Variants in FHIT observed in about 807,000 individuals in gnomAD.
FHIT encodes the protein bis(5'-adenosyl)-triphosphatase.
FHIT carries 19 observed loss-of-function variants against 17.9 expected under a neutral mutation model. The ratio of observed to expected loss-of-function variants is 1.06; its 90% CI spans 0.74 to 1.56. FHIT has a LOEUF of 1.56. Ranked by LOEUF, FHIT falls within the 40% of genes most tolerant of loss-of-function variation. The pLI, the probability that FHIT is intolerant of heterozygous loss-of-function variation, is 0.00. For synonymous variants in FHIT, 81 were observed against 69.7 expected (o/e 1.16, Z -0.81); for missense variants, 248 against 189.2 (o/e 1.31, Z -1.82).
intron 8 of FHIT, among the ~76,000 whole-genome samples, chr3:59,891,135 C>G (rs1703836659): frequency 6.6e-6 from 1 of 152,212 alleles, no homozygotes; most frequent in Non-Finnish European, 1.5e-5. Context: ...TACACACTTT[C>G]CTAAGACCTG....
intron 5 of FHIT, among the ~76,000 whole-genome samples, chr3:60,280,938 C>G (rs1707398938): frequency 4.3e-5 from 1 of 23,026 alleles, no homozygotes; most frequent in South Asian, 2.0e-3. Flanking sequence ...TAGAAAAATC[C>G]TAAAAAATTG....
intron 1 of FHIT, among the ~76,000 whole-genome samples, chr3:61,232,482 C>T (rs1005798617): frequency 6.6e-6 from 1 of 152,176 alleles, no homozygotes; most frequent in Non-Finnish European, 1.5e-5. Context: ...CATAATTTCC[C>T]ATATATGCCC....
At chr3:59,754,617 C>G (rs1052172209) in intron 8 of FHIT, among the ~76,000 whole-genome samples, 1 of 152,158 alleles carries the variant, frequency 6.6e-6, no homozygotes, top group Non-Finnish European at 1.5e-5. Flanking sequence ...TAAGTGGCCT[C>G]AACAACACAG....
chr3:60,297,271 G>T (rs1708254641), intron 5 of FHIT, among the ~76,000 whole-genome samples: 1 of 152,168 alleles, frequency 6.6e-6, no homozygotes, highest in Admixed American at 6.6e-5. Flanking sequence ...TCTAACCTGT[G>T]AGAATATGTC....
chr3:60,615,898 G>A lies in FHIT; in HGVS notation c.-17-78919C>T, dbSNP rs1006076870. 2.0e-5 allele frequency among the ~76,000 whole-genome samples: 3 copies of A among 152,188 alleles called. No homozygotes were observed. The East Asian group carries it at 5.8e-4, about 29-fold the overall frequency. On this transcript the variant is annotated intron_variant, in intron 4 of 9. Coordinates refer to ENST00000492590, the MANE Select transcript of FHIT (RefSeq NM_002012.4). ...CGAGTGAAGTTTACCAATAAGAATA[G>A]AGTGAGATGTGGAAGAAAAAGAGAT...
chr3:60,856,258 G>C (rs920844103), intron 3 of FHIT: 4 of 152,158 alleles, frequency 2.6e-5, no homozygotes, highest in African/African-American at 4.8e-5. Context: ...ACAGATCTGG[G>C]GGGGAAAGGG....
chr3:60,480,776 G>A (rs548271182), intron 5 of FHIT, among the ~76,000 whole-genome samples: 65 of 152,310 alleles, frequency 4.3e-4, no homozygotes, highest in East Asian at 3.5e-3. Flanking sequence ...TGACTCTGCA[G>A]GGTACACCCC....
chr3:60,925,352 A>G (rs782341510), intron 3 of FHIT, among the ~76,000 whole-genome samples: 25 of 152,238 alleles, frequency 1.6e-4, no homozygotes, highest in Non-Finnish European at 3.4e-4. Context: ...TCAGACTAAC[A>G]GCAGATCTCT....
chr3:61,202,433 A>C (rs2039053196), intron 1 of FHIT, among the ~76,000 whole-genome samples: 1 of 151,950 alleles, frequency 6.6e-6, no homozygotes, highest in Non-Finnish European at 1.5e-5. Flanking sequence ...TCCAAGTGTG[A>C]AGTGACAGCC....
intron 3 of FHIT, among the ~76,000 whole-genome samples, chr3:60,895,963 G>A (rs1342914531): frequency 2.0e-5 from 3 of 151,842 alleles, no homozygotes; most frequent in Non-Finnish European, 4.4e-5. Context: ...ACTGGTACCA[G>A]TCTGTGGCCT....
Position 60,969,430 on chromosome 3 carries a change from C to G in FHIT, c.-111+72617G>C, listed in dbSNP as rs184527108. 4.6e-5 allele frequency among the ~76,000 whole-genome samples: 7 copies of G among 151,876 alleles called. No homozygotes were observed. In the East Asian group the frequency reaches 1.4e-3, roughly 29 times the overall value. On this transcript the variant is annotated intron_variant, in intron 3 of 9. Transcript: ENST00000492590. ...CTGTTTCTTTTTTAGATTCTTGATACTGATTACTAGATTACTAATTTTCAG... is the reference window on the plus strand; with the variant it reads ...CTGTTTCTTTTTTAGATTCTTGATAGTGATTACTAGATTACTAATTTTCAG...
rs538150900 is a variant in FHIT, at chr3:59,773,804, G to A, written c.349-21483C>T. Among the ~76,000 whole-genome samples the A allele has an allele frequency of 2.6e-4, 40 of 152,118 alleles. 1 individual carries two copies. In the South Asian group the frequency reaches 7.9e-3, roughly 30 times the overall value. Reference sequence around the variant, plus strand: ...TTCCTCAATACTTTAAAGCTGCCTCGCCCAGGACCTTAGCCATCAGCCCCA... The same window carrying A: ...TTCCTCAATACTTTAAAGCTGCCTCACCCAGGACCTTAGCCATCAGCCCCA... On this transcript the variant is annotated intron_variant, in intron 8 of 9. Coordinates refer to ENST00000492590, the MANE Select transcript of FHIT (RefSeq NM_002012.4).
At chr3:60,097,354 C>T (rs1393125977) in intron 5 of FHIT, among the ~76,000 whole-genome samples, 1 of 152,024 alleles carries the variant, frequency 6.6e-6, no homozygotes, top group Admixed American at 6.6e-5. Context: ...CCCTAGGAGC[C>T]CAGGGTAGTG....
At chr3:60,356,898 T>A (rs973372535) in intron 5 of FHIT, among the ~76,000 whole-genome samples, 20 of 151,976 alleles carry the variant, frequency 1.3e-4, no homozygotes, top group African/African-American at 4.4e-4. Context: ...TGATGCCAAA[T>A]GTGTGGCTAG....
chr3:60,545,921 A>G (rs2036345137), intron 4 of FHIT, among the ~76,000 whole-genome samples: 1 of 152,132 alleles, frequency 6.6e-6, no homozygotes, highest in Admixed American at 6.5e-5. Flanking sequence ...TTCTAACTAT[A>G]TTTGCTAAAT....
At chr3:60,130,813 GTA>G (rs1328430989) in intron 5 of FHIT, among the ~76,000 whole-genome samples, 5 of 149,392 alleles carry the variant, frequency 3.3e-5, no homozygotes, top group South Asian at 4.2e-4. Flanking sequence ...ATATATGTGT[GTA>G]TGTGTGTATA....
intron 5 of FHIT, among the ~76,000 whole-genome samples, chr3:60,074,296 G>A (rs1702910944): frequency 6.6e-6 from 1 of 151,972 alleles, no homozygotes; most frequent in South Asian, 2.1e-4. Flanking sequence ...TTGTTCACTG[G>A]AACAAAGGTT....
chr3:60,250,817 T>C (rs1466593396), intron 5 of FHIT, among the ~76,000 whole-genome samples: 1 of 152,154 alleles, frequency 6.6e-6, no homozygotes, highest in South Asian at 2.1e-4. Context: ...AGACTTGGTT[T>C]TGCTGCCTGC....
intron 5 of FHIT, among the ~76,000 whole-genome samples, chr3:60,041,793 TG>T (rs1200760407): frequency 2.6e-5 from 4 of 152,234 alleles, no homozygotes; most frequent in African/African-American, 9.6e-5. Context: ...ACAATGCATT[TG>T]TTTTGGGACA....
Sources: gnomAD v4.1 joint callset for allele counts (sites outside exome capture counted in the v4.1 genomes callset) on GRCh38, gnomAD v4.1.1 for gene constraint, MANE v1.5 for transcripts, NCBI Gene and HGNC (gene_info 2026-07-23, HGNC 2026-07-21) for gene names.